The following CD96 variants were observed in gnomAD, a reference collection of about 807,000 sequenced individuals.
CD96 encodes the protein T-cell surface protein tactile.
CD96 carries 70 observed loss-of-function variants against 71.3 expected under a neutral mutation model. That is an observed-to-expected ratio of 0.98 (90% confidence interval 0.81 to 1.20). The LOEUF (loss-of-function observed/expected upper bound fraction) is 1.20. Ranked by LOEUF, CD96 falls within the 50% of genes most tolerant of loss-of-function variation. CD96 has a pLI of 0.00. For synonymous variants in CD96, 248 were observed against 233.0 expected, an observed-to-expected ratio of 1.06 and a Z score of -0.59; for missense variants, 742 against 677.5, an observed-to-expected ratio of 1.10 and a Z score of -1.06.
intron 3 of CD96, among the ~76,000 whole-genome samples, chr3:111,578,085 C>T (rs1444792433): frequency 6.6e-6 from 1 of 152,142 alleles, no homozygotes; most frequent in Non-Finnish European, 1.5e-5. Context: ...GTTTTAAAAG[C>T]AGCTCAACTG....
rs954699446 is a variant in CD96, at chr3:111,620,299, C to CA, written c.1181-3454dup. 5.2e-4 allele frequency among the ~76,000 whole-genome samples: 79 copies of CA among 152,278 alleles called. 1 individual carries two copies. Among genetic ancestry groups the CA allele is most frequent in the African/African-American group, 1.9e-3 (79 of 41,546 alleles). On this transcript the variant is annotated intron_variant, in intron 8 of 13. Transcript: ENST00000352690. ...AGAGCAGTATTCCCAGTGCCAAGCA[C>CA]AGTGCCTGAAATTTAGAGACTCTCA...
intron 7 of CD96, among the ~76,000 whole-genome samples, chr3:111,603,742 T>C (rs1446276871): frequency 6.6e-6 from 1 of 152,168 alleles, no homozygotes; most frequent in Non-Finnish European, 1.5e-5. Flanking sequence ...GACAGTTGTG[T>C]AGGTGTATGT....
At chr3:111,655,810 A>G (rs569812881), downstream of CD96, among the ~76,000 whole-genome samples, 1 of 152,104 alleles carries the variant, frequency 6.6e-6, no homozygotes, top group South Asian at 2.1e-4. Context: ...ACATATATAC[A>G]TAATACATGC....
chr3:111,658,672 AC>A (rs1490825005), intron 14 of CD96, among the ~76,000 whole-genome samples: 3 of 152,220 alleles, frequency 2.0e-5, no homozygotes, highest in Non-Finnish European at 4.4e-5. Context: ...AGTGAGAGAG[AC>A]AGGGATCTTG....
At chr3:111,564,690 A>C (rs1442663156) in intron 2 of CD96, among the ~76,000 whole-genome samples, 1 of 151,978 alleles carries the variant, frequency 6.6e-6, no homozygotes, top group Non-Finnish European at 1.5e-5. Flanking sequence ...TTTGTTCTCT[A>C]TTCTTTTTTT....
chr3:111,581,906 A>C (rs1478957592), intron 4 of CD96, among the ~76,000 whole-genome samples: 1 of 152,236 alleles, frequency 6.6e-6, no homozygotes, highest in Non-Finnish European at 1.5e-5. Flanking sequence ...ACATCAGAAA[A>C]GGAGTGAGAA....
intron 2 of CD96, among the ~76,000 whole-genome samples, chr3:111,550,769 A>G (rs1461664967): frequency 2.6e-5 from 4 of 152,152 alleles, no homozygotes; most frequent in East Asian, 1.9e-4. Flanking sequence ...AACAGCTGCT[A>G]TGGATAGAAG....
chr3:111,554,609 A>C (rs1481370182), intron 2 of CD96, among the ~76,000 whole-genome samples: 2 of 152,018 alleles, frequency 1.3e-5, no homozygotes. Flanking sequence ...GTATATAATA[A>C]TATATGTATT....
chr3:111,585,933 C>T (rs931589844), intron 5 of CD96, among the ~76,000 whole-genome samples: 1 of 152,096 alleles, frequency 6.6e-6, no homozygotes, highest in Non-Finnish European at 1.5e-5. Flanking sequence ...TAGTTACCAG[C>T]CTGTAGTCAC....
rs1553713922 is a variant in CD96 at position 111,651,896 on chromosome 3, A to AAAAAGAAAGAAAGAAAGAAAGAAAG, written c.*2093_*2094insAGAAAGAAAGAAAGAAAGAAAGAAA. ...GAGACTCCGCCTCAAAAAAAAAAAA[A>AAAAAGAAAGAAAGAAAGAAAGAAAG]AAAGAAAGAAAGAAAGAAAGAAAGA... is the stretch of plus-strand genomic sequence containing the variant. On this transcript the variant is annotated 3_prime_UTR_variant, in exon 14 of 14. Coordinates refer to ENST00000352690, the MANE Select transcript of CD96 (RefSeq NM_005816.5). 2.3e-4 allele frequency: 33 copies of AAAAAGAAAGAAAGAAAGAAAGAAAG among 146,474 alleles called. No individual in the cohort carries two copies. The highest frequency in any genetic ancestry group is 8.1e-4 in the African/African-American group (32 of 39,414). 9.1% of individuals were successfully genotyped at this position (146,474 alleles called of 1,614,324 possible). A position where few individuals can be genotyped will look rare whatever the true frequency, so the allele number is the denominator to read the frequency against.
intron 6 of CD96, among the ~76,000 whole-genome samples, chr3:111,598,664 C>T (rs1410638081): frequency 6.6e-6 from 1 of 152,116 alleles, no homozygotes; most frequent in Non-Finnish European, 1.5e-5. Context: ...GAATCTGAGG[C>T]AGGTGTTGGT....
At chr3:111,633,513 T>A (rs562239519) in intron 10 of CD96, among the ~76,000 whole-genome samples, 25 of 151,878 alleles carry the variant, frequency 1.6e-4, no homozygotes, top group African/African-American at 5.8e-4. Flanking sequence ...TGTAAAAAAA[T>A]AAAAATAAAA....
At chr3:111,616,020 C>A (rs1404246265) in intron 8 of CD96, among the ~76,000 whole-genome samples, 1 of 152,108 alleles carries the variant, frequency 6.6e-6, no homozygotes, top group East Asian at 1.9e-4. Flanking sequence ...GTCACCTTCT[C>A]GATGAGGTAC....
chr3:111,567,537 T>A lies in CD96; in HGVS notation c.433T>A (p.Trp145Arg). The change falls in exon 3 of 14, where the codon TGG becomes AGG. Residue 145 changes from tryptophan (W) to arginine (R), a missense_variant. Physicochemically the swap from Trp to Arg is moderately radical, Grantham distance 101. Coordinates refer to ENST00000352690, the MANE Select transcript of CD96 (RefSeq NM_005816.5). Reference protein sequence around the residue: ...LIQTHVTADEWNSNHTIEIEI... With the variant: ...LIQTHVTADERNSNHTIEIEI... Reference sequence around the variant, plus strand: ...TTTTGTTACAGTTACAGCAGATGAATGGAACAGCAACCATACGATAGAAAT... The same window carrying A: ...TTTTGTTACAGTTACAGCAGATGAAAGGAACAGCAACCATACGATAGAAAT... 6.2e-7 allele frequency: 1 copy of A among 1,605,746 alleles called. No individual in the cohort carries two copies. Among genetic ancestry groups the A allele is most frequent in the Non-Finnish European group, 8.5e-7 (1 of 1,172,562 alleles).
At chr3:111,551,623 T>C (rs1934709494) in intron 2 of CD96, among the ~76,000 whole-genome samples, 1 of 152,082 alleles carries the variant, frequency 6.6e-6, no homozygotes, top group East Asian at 1.9e-4. Context: ...TATAGGTAAA[T>C]GTGTGCCATG....
At chr3:111,637,576 T>C (rs895472201) in intron 11 of CD96, among the ~76,000 whole-genome samples, 6 of 152,336 alleles carry the variant, frequency 3.9e-5, no homozygotes, top group African/African-American at 1.4e-4. Context: ...CATGGATTTG[T>C]TTAGTCTAAT....
chr3:111,619,015 AT>A (rs1314026389), intron 8 of CD96, among the ~76,000 whole-genome samples: 1 of 152,136 alleles, frequency 6.6e-6, no homozygotes, highest in Non-Finnish European at 1.5e-5. Flanking sequence ...ATATTTCAGT[AT>A]TTCCCAAAAG....
chr3:111,589,025 A>G (rs566862117), intron 5 of CD96, among the ~76,000 whole-genome samples: 1 of 143,916 alleles, frequency 6.9e-6, no homozygotes, highest in Non-Finnish European at 1.5e-5. Flanking sequence ...ATCTCTGCTC[A>G]CTGCAAGCTC....
intron 3 of CD96, among the ~76,000 whole-genome samples, chr3:111,571,936 C>G (rs866531204): frequency 3.9e-5 from 6 of 152,136 alleles, no homozygotes; most frequent in African/African-American, 1.4e-4. Context: ...AGTTCATAAA[C>G]CACACCCTGG....
Sources: allele counts gnomAD v4.1 joint callset (sites outside exome capture counted in the v4.1 genomes callset), GRCh38; gene constraint gnomAD v4.1.1; transcripts MANE v1.5; gene names NCBI Gene and HGNC (gene_info 2026-07-23, HGNC 2026-07-21).